Variants in ARID3A observed in about 807,000 individuals in gnomAD.
ARID3A encodes AT-rich interactive domain-containing protein 3A.
ARID3A carries 11 observed loss-of-function variants against 52.7 expected under a neutral mutation model. The observed-to-expected ratio is 0.21, with a 90% CI of 0.13 to 0.35. ARID3A has a LOEUF of 0.35. ARID3A is among the 10% of genes least tolerant of loss of function. The probability of loss-of-function intolerance (pLI) is 1.00; values close to 1 mark genes in which losing one functional copy is unlikely to be tolerated. For missense variants in ARID3A, 721 were observed against 838.5 expected (o/e 0.86, Z 1.73); for synonymous variants, 404 against 359.4 (o/e 1.12, Z -1.40).
At chr19:951,716 G>A (rs1022779514) in intron 3 of ARID3A, among the ~76,000 whole-genome samples, 3 of 152,168 alleles carry the variant, frequency 2.0e-5, no homozygotes, top group Non-Finnish European at 2.9e-5. Context: ...CGGAGGGGGC[G>A]GCTGCTGACT....
intron 1 of ARID3A, among the ~76,000 whole-genome samples, chr19:927,855 G>C (rs553389722): frequency 6.6e-6 from 1 of 151,984 alleles, no homozygotes; most frequent in Non-Finnish European, 1.5e-5. Flanking sequence ...GGCTATTTTG[G>C]AACATGCCCT....
At position 975,470 on chromosome 19, in the gene ARID3A, G is replaced by A. The variant is rs1269887755; in HGVS notation, c.*3405G>A. The A allele has an allele frequency of 4.4e-6, 1 of 228,240 alleles. No homozygotes were observed. The highest frequency in any genetic ancestry group is 8.7e-6 in the Non-Finnish European group (1 of 115,032). 14.1% of individuals were successfully genotyped at this position (228,240 alleles called of 1,614,324 possible). ...CCTTGTCCCTTTTTTCCCCAATTGT[G>A]CTTTTGCATTTTTTTCCTTGGCAAA... On this transcript the variant is annotated 3_prime_UTR_variant, in exon 9 of 9. Transcript: ENST00000263620.
At chr19:961,314 G>A (rs2038036208) in intron 4 of ARID3A, among the ~76,000 whole-genome samples, 2 of 152,152 alleles carry the variant, frequency 1.3e-5, no homozygotes, top group Non-Finnish European at 2.9e-5. Flanking sequence ...GGAGGAGGAG[G>A]GTTGTGGGCC....
At chr19:965,737 G>T (rs920777900) in intron 6 of ARID3A, among the ~76,000 whole-genome samples, 1 of 151,458 alleles carries the variant, frequency 6.6e-6, no homozygotes, top group Admixed American at 6.6e-5. Flanking sequence ...CACGCCTGTA[G>T]TCCCAGCACT....
At chr19:946,439 CTTTTTTT>C (rs58290960) in intron 3 of ARID3A, among the ~76,000 whole-genome samples, 1 of 60,402 alleles carries the variant, frequency 1.7e-5, no homozygotes, top group African/African-American at 6.9e-5. Flanking sequence ...TTTTTTGAAT[CTTTTTTT>C]TTTTTTTTTT....
At chr19:932,909 C>T (rs190913159) in intron 3 of ARID3A, among the ~76,000 whole-genome samples, 167 bp downstream of exon 3, 1 of 152,118 alleles carries the variant, frequency 6.6e-6, no homozygotes, top group Admixed American at 6.5e-5. Context: ...GGCGTGGGCT[C>T]GACCAGCTGG....
At chr19:954,877 G>A (rs567390388) in intron 3 of ARID3A, among the ~76,000 whole-genome samples, 22 of 152,250 alleles carry the variant, frequency 1.4e-4, no homozygotes, top group African/African-American at 3.9e-4. Context: ...CTTCACACCC[G>A]ACCCCTCCCG....
chr19:954,392 C>T (rs2037871267), intron 3 of ARID3A, among the ~76,000 whole-genome samples: 1 of 152,206 alleles, frequency 6.6e-6, no homozygotes, highest in Admixed American at 6.5e-5. Flanking sequence ...GGGGAGGGGA[C>T]CCCCTCAGGG....
At chr19:935,383 C>T (rs1305476017) in intron 3 of ARID3A, among the ~76,000 whole-genome samples, 2 of 152,238 alleles carry the variant, frequency 1.3e-5, no homozygotes, top group African/African-American at 4.8e-5. Context: ...TGATTAGGAT[C>T]TCAGCCTCCT....
At position 947,513 on chromosome 19, in the gene ARID3A, C is replaced by T. The variant is rs2037711857; in HGVS notation, c.694-12579C>T. Among the ~76,000 whole-genome samples the T allele has an allele frequency of 6.6e-6, 1 of 152,112 alleles. No individual in the cohort carries two copies. Among genetic ancestry groups the T allele is most frequent in the Non-Finnish European group, 1.5e-5 (1 of 68,024 alleles). The stretch of plus-strand genomic sequence containing the variant: ...GCGTCTCCTCCCTGAGCAAGGGACT[C>T]CCCCATCCATGTCTCAGCCCCCACC... On this transcript the variant is annotated intron_variant, in intron 3 of 8. Coordinates refer to ENST00000263620, the MANE Select transcript of ARID3A (RefSeq NM_005224.3). This position sits in a 1 kb window ranked among gnomAD's most constrained non-coding sequence, Gnocchi z 6.3.
In ARID3A at chr19:929,436, G is replaced by T. The variant is rs1278449937; in HGVS notation, c.-93G>T. 64 of 1,227,646 alleles carry T rather than the reference G, an allele frequency of 5.2e-5. No homozygotes were observed. Among genetic ancestry groups the T allele is most frequent in the Non-Finnish European group, 6.5e-5 (63 of 964,934 alleles). 76.0% of individuals were successfully genotyped at this position (1,227,646 alleles called of 1,614,324 possible). A position where few individuals can be genotyped will look rare whatever the true frequency, so the allele number is the denominator to read the frequency against. On this transcript the variant is annotated 5_prime_UTR_variant, in exon 2 of 9. Transcript: ENST00000263620. The surrounding 1 kb of genome is among the most constrained non-coding windows in gnomAD (Gnocchi z 6.2). ...GGCCCCCACGCTGCAGTGCGGCCGG[G>T]CCCCCTCCCCGCAGGGGCCGCCCCC... is the stretch of plus-strand genomic sequence containing the variant.
At chr19:954,493 G>A (rs1320575568) in intron 3 of ARID3A, among the ~76,000 whole-genome samples, 1 of 152,260 alleles carries the variant, frequency 6.6e-6, no homozygotes, top group African/African-American at 2.4e-5. Context: ...TTAGGCAACT[G>A]CTGTGTGCCC....
intron 3 of ARID3A, among the ~76,000 whole-genome samples, chr19:943,875 G>A (rs1347616002): frequency 2.6e-5 from 4 of 151,818 alleles, no homozygotes; most frequent in South Asian, 2.1e-4. Context: ...GGGCACTTAC[G>A]GAGCACCTGC....
rs980214525 is a variant in ARID3A, at chr19:941,288, C to G, written c.693+8546C>G. On this transcript the variant is annotated intron_variant, in intron 3 of 8. Transcript: ENST00000263620. This position sits in a 1 kb window ranked among gnomAD's most constrained non-coding sequence, Gnocchi z 6.9. ...GGCTGTGGCCGGGCGGCTCGTGGGT[C>G]CTGTCTCGTGGGACCCTGCCTGGGA... Among the ~76,000 whole-genome samples the G allele has an allele frequency of 6.6e-6, 1 of 152,208 alleles. No individual in the cohort carries two copies. Among genetic ancestry groups the G allele is most frequent in the African/African-American group, 2.4e-5 (1 of 41,472 alleles).
rs186866500 is a variant in ARID3A at position 941,911 on chromosome 19, G to A, written c.693+9169G>A. Among the ~76,000 whole-genome samples, 14 of 152,230 alleles carry A rather than the reference G, an allele frequency of 9.2e-5. No individual in the cohort carries two copies. Among genetic ancestry groups the A allele is most frequent in the African/African-American group, 3.1e-4 (13 of 41,524 alleles). On this transcript the variant is annotated intron_variant, in intron 3 of 8. Coordinates refer to ENST00000263620, the MANE Select transcript of ARID3A (RefSeq NM_005224.3). The surrounding 1 kb of genome is among the most constrained non-coding windows in gnomAD (Gnocchi z 6.9). ...TCGCCACGTGTGCGCACGTGTGCCCGTGACAGACGACCTTCCTGTGTGCCT... is the reference window on the plus strand; with the variant it reads ...TCGCCACGTGTGCGCACGTGTGCCCATGACAGACGACCTTCCTGTGTGCCT...
At chr19:933,118 G>A (rs1348489452) in intron 3 of ARID3A, among the ~76,000 whole-genome samples, 1 of 152,194 alleles carries the variant, frequency 6.6e-6, no homozygotes, top group East Asian at 1.9e-4. Context: ...GAGAGGCCGG[G>A]GCCTTGGTGA....
intron 3 of ARID3A, among the ~76,000 whole-genome samples, chr19:937,112 A>G (rs1329282719): frequency 6.6e-6 from 1 of 152,152 alleles, no homozygotes. Flanking sequence ...TACTAAAAAT[A>G]CAAAAATTAG....
intron 3 of ARID3A, among the ~76,000 whole-genome samples, chr19:957,569 G>A (rs1368965616): frequency 6.6e-6 from 1 of 152,222 alleles, no homozygotes; most frequent in African/African-American, 2.4e-5. Context: ...GGTGGAGGGC[G>A]GTGGCTCCCG....
At chr19:928,335 G>C (rs2037243988) in intron 1 of ARID3A, 1 of 152,132 alleles carries the variant, frequency 6.6e-6, no homozygotes, top group African/African-American at 2.4e-5. Context: ...TGGCTCGGGT[G>C]GGACCCAGGC....
Sources: gnomAD v4.1 joint callset for allele counts (sites outside exome capture counted in the v4.1 genomes callset) on GRCh38, gnomAD v4.1.1 for gene constraint, Gnocchi (gnomAD v3.1) non-coding constraint, MANE v1.5 for transcripts, NCBI Gene and HGNC (gene_info 2026-07-23, HGNC 2026-07-21) for gene names.